Variants in EMCN observed in about 807,000 individuals in gnomAD.
The protein encoded by EMCN is endomucin, also known as MUC-14.
Under a neutral mutation model 38.4 loss-of-function variants are expected in EMCN, and 37 were observed. That is an observed-to-expected ratio of 0.96 (90% CI 0.74 to 1.27). The LOEUF is 1.27. Among genes scored for constraint, EMCN ranks in the 50% most tolerant of loss-of-function variants. EMCN has a pLI of 0.00. For missense variants in EMCN, 318 were observed against 302.8 expected (o/e 1.05, Z -0.37); for synonymous variants, 95 against 100.8 (o/e 0.94, Z 0.35).
At chr4:100,449,557 T>C (rs1727780927) in intron 4 of EMCN, among the ~76,000 whole-genome samples, 1 of 152,060 alleles carries the variant, frequency 6.6e-6, no homozygotes, top group African/African-American at 2.4e-5. Context: ...AATTAAAATA[T>C]CTATTAGCTG....
chr4:100,453,848 A>G (rs1296912363), intron 4 of EMCN, among the ~76,000 whole-genome samples: 3 of 152,164 alleles, frequency 2.0e-5, no homozygotes, highest in Non-Finnish European at 4.4e-5. Flanking sequence ...AGCCATAAAA[A>G]ATGATGAGTT....
intron 5 of EMCN, among the ~76,000 whole-genome samples, chr4:100,432,924 A>G (rs1295094526): frequency 6.6e-6 from 1 of 152,230 alleles, no homozygotes; most frequent in East Asian, 1.9e-4. Context: ...TACTATAGTG[A>G]AGGAAATGAA....
At chr4:100,474,158 C>T (rs1478740761) in intron 3 of EMCN, 1 of 151,992 alleles carries the variant, frequency 6.6e-6, no homozygotes, top group Non-Finnish European at 1.5e-5. Flanking sequence ...TCTTGCAACT[C>T]GACAATAAGA....
chr4:100,494,586 C>G (rs1004143326), intron 1 of EMCN, among the ~76,000 whole-genome samples: 1 of 151,952 alleles, frequency 6.6e-6, no homozygotes, highest in African/African-American at 2.4e-5. Flanking sequence ...ACTAGAAAAA[C>G]AAACCACTCC....
chr4:100,433,274 G>A (rs1318366818), intron 5 of EMCN, among the ~76,000 whole-genome samples: 1 of 152,128 alleles, frequency 6.6e-6, no homozygotes, highest in Non-Finnish European at 1.5e-5. Context: ...GTTCATCCAT[G>A]TTTTGGCAAA....
intron 1 of EMCN, among the ~76,000 whole-genome samples, chr4:100,509,477 G>A (rs1351518527): frequency 1.3e-5 from 2 of 152,190 alleles, no homozygotes; most frequent in Non-Finnish European, 2.9e-5. Flanking sequence ...GAATTCTCAT[G>A]GTTGTTTAGA....
intron 1 of EMCN, among the ~76,000 whole-genome samples, chr4:100,490,791 A>C (rs1212190126): frequency 6.6e-6 from 1 of 152,178 alleles, no homozygotes; most frequent in African/African-American, 2.4e-5. Flanking sequence ...TGACTGTACT[A>C]GGGTTCCGTT....
intron 5 of EMCN, among the ~76,000 whole-genome samples, chr4:100,431,751 TCTCTCTCTCTCACTTG>T (rs1463684504): frequency 1.1e-4 from 6 of 55,528 alleles, no homozygotes; most frequent in African/African-American, 3.4e-4. Flanking sequence ...CCCTTTCTGC[TCTCTCTCTCTCACTTG>T]CTCTCTCTCT....
chr4:100,400,059 T>A (rs1195865211), intron 11 of EMCN, among the ~76,000 whole-genome samples: 1 of 152,142 alleles, frequency 6.6e-6, no homozygotes, highest in African/African-American at 2.4e-5. Context: ...GAAACAAGGC[T>A]TCCTGTGATC....
chr4:100,445,274 A>G (rs559574635), intron 5 of EMCN, among the ~76,000 whole-genome samples: 23 of 152,280 alleles, frequency 1.5e-4, no homozygotes, highest in African/African-American at 4.6e-4. Context: ...TTTGTTTTAT[A>G]ATGTTAAAAT....
intron 1 of EMCN, among the ~76,000 whole-genome samples, chr4:100,490,584 A>G (rs930225136): frequency 1.3e-5 from 2 of 152,172 alleles, no homozygotes; most frequent in Non-Finnish European, 2.9e-5. Context: ...GTTTAGATAC[A>G]TGCATACTTA....
chr4:100,440,144 G>T (rs1457850493), intron 5 of EMCN, among the ~76,000 whole-genome samples: 1 of 152,064 alleles, frequency 6.6e-6, no homozygotes, highest in Non-Finnish European at 1.5e-5. Flanking sequence ...TAGGTCTAAT[G>T]GGTGAAAAGT....
chr4:100,416,891 C>T (rs1166424743), intron 9 of EMCN, among the ~76,000 whole-genome samples: 1 of 152,088 alleles, frequency 6.6e-6, no homozygotes, highest in African/African-American at 2.4e-5. Context: ...CATTCTTCTA[C>T]TTTTCCATTT....
intron 1 of EMCN, among the ~76,000 whole-genome samples, chr4:100,498,859 A>T (rs1729278327): frequency 6.6e-6 from 1 of 152,216 alleles, no homozygotes; most frequent in Non-Finnish European, 1.5e-5. Flanking sequence ...TGATGATATA[A>T]ACATTAATTA....
chr4:100,455,452 T>C (rs999591923), intron 4 of EMCN, among the ~76,000 whole-genome samples: 6 of 151,982 alleles, frequency 3.9e-5, no homozygotes, highest in African/African-American at 1.4e-4. Flanking sequence ...TTTACTGATA[T>C]GAATTTCGCA....
intron 5 of EMCN, among the ~76,000 whole-genome samples, chr4:100,432,812 T>C (rs917424630): frequency 2.0e-5 from 3 of 152,168 alleles, no homozygotes; most frequent in African/African-American, 7.2e-5. Flanking sequence ...CTTTCTTTGA[T>C]CTCTCATTTT....
chr4:100,497,906 C>T (rs1266724223), intron 1 of EMCN, among the ~76,000 whole-genome samples: 1 of 151,910 alleles, frequency 6.6e-6, no homozygotes, highest in Non-Finnish European at 1.5e-5. Context: ...CAAAGGAACC[C>T]TAAGTAGGAA....
At chr4:100,452,360 T>C (rs1425594213) in intron 4 of EMCN, among the ~76,000 whole-genome samples, 2 of 152,070 alleles carry the variant, frequency 1.3e-5, no homozygotes, top group Admixed American at 1.3e-4. Context: ...AAAAGCCAGA[T>C]TATCTTTTCA....
chr4:100,438,755 C>T (rs1727425726), intron 5 of EMCN, among the ~76,000 whole-genome samples: 3 of 151,566 alleles, frequency 2.0e-5, no homozygotes, highest in Admixed American at 2.0e-4. Context: ...AGAAACATTC[C>T]TTTTATGCCT....
Sources: gnomAD v4.1 joint callset for allele counts (sites outside exome capture counted in the v4.1 genomes callset) on GRCh38, gnomAD v4.1.1 for gene constraint, MANE v1.5 for transcripts, NCBI Gene and HGNC (gene_info 2026-07-23, HGNC 2026-07-21) for gene names.